Variants in RFX3 observed in about 807,000 individuals in gnomAD.
The protein encoded by RFX3 is regulatory factor X3.
In RFX3, 14 loss-of-function variants were observed where a neutral mutation model predicts 98.6. The observed-to-expected ratio is 0.14, with a 90% CI of 0.09 to 0.22. RFX3 has a LOEUF of 0.22. Ranked by LOEUF, RFX3 falls within the 10% of genes least tolerant of loss-of-function variation. RFX3 has a pLI of 1.00. For synonymous variants in RFX3, 383 were observed against 328.4 expected (o/e 1.17, Z -1.80); for missense variants, 639 against 926.9 (o/e 0.69, Z 4.03).
intron 1 of RFX3, among the ~76,000 whole-genome samples, chr9:3,453,002 T>C (rs1282795451): frequency 6.6e-6 from 1 of 152,184 alleles, no homozygotes; most frequent in Admixed American, 6.5e-5. Flanking sequence ...CATAGCCCTC[T>C]CTATTTACTA....
intron 15 of RFX3, among the ~76,000 whole-genome samples, chr9:3,243,067 T>G (rs1254236284): frequency 6.6e-6 from 1 of 151,984 alleles, no homozygotes; most frequent in Non-Finnish European, 1.5e-5. Context: ...AGAAAGATTC[T>G]AAACAGCCAT....
At chr9:3,409,319 G>T (rs896962401) in intron 1 of RFX3, among the ~76,000 whole-genome samples, 1 of 152,164 alleles carries the variant, frequency 6.6e-6, no homozygotes, top group South Asian at 2.1e-4. Flanking sequence ...TTAACCAATT[G>T]AATTGGATGA....
intron 11 of RFX3, among the ~76,000 whole-genome samples, chr9:3,268,217 G>A (rs1260554538): frequency 6.6e-6 from 1 of 151,638 alleles, no homozygotes; most frequent in African/African-American, 2.4e-5. Context: ...TTAGTGTGAT[G>A]TGCAGAATTT....
chr9:3,440,785 T>A (rs79325844), intron 1 of RFX3, among the ~76,000 whole-genome samples: 1,846 of 152,216 alleles, frequency 0.012, 68 homozygotes, highest in Admixed American at 0.076. Context: ...AAAACACCTT[T>A]GATAAAGAAA....
chr9:3,510,749 T>C (rs1373086367), intron 1 of RFX3, among the ~76,000 whole-genome samples: 3 of 152,174 alleles, frequency 2.0e-5, no homozygotes, highest in African/African-American at 7.2e-5. Flanking sequence ...CATTCTATAA[T>C]CTTCTGTTTT....
At position 3,266,690 on chromosome 9, in the gene RFX3, T is replaced by A. The variant is rs554876504; in HGVS notation, c.1358-385A>T. Among the ~76,000 whole-genome samples, 5 of 152,194 alleles carry A rather than the reference T, an allele frequency of 3.3e-5. No homozygotes were observed. The South Asian group carries it at 1.0e-3, about 32-fold the overall frequency. On this transcript the variant is annotated intron_variant, in intron 11 of 16. Transcript: ENST00000617270. The stretch of plus-strand genomic sequence containing the variant: ...GTATTTTCTTTAAAATTCTTCATCT[T>A]GTTCTTTCAAGCTCTTAATCTATTT...
intron 1 of RFX3, among the ~76,000 whole-genome samples, chr9:3,424,040 G>C (rs1346111818): frequency 6.6e-6 from 1 of 150,896 alleles, no homozygotes. Context: ...CCAGCTACTC[G>C]GGAGGCTGAG....
chr9:3,513,343 T>C (rs1247959276), intron 1 of RFX3, among the ~76,000 whole-genome samples: 1 of 152,152 alleles, frequency 6.6e-6, no homozygotes, highest in Non-Finnish European at 1.5e-5. Context: ...CCTGAAATGA[T>C]ATTTCTTTTT....
At chr9:3,513,281 A>C (rs1817820101) in intron 1 of RFX3, among the ~76,000 whole-genome samples, 1 of 152,158 alleles carries the variant, frequency 6.6e-6, no homozygotes, top group Non-Finnish European at 1.5e-5. Flanking sequence ...TGATATTATT[A>C]CTAGATATGC....
At position 3,500,034 on chromosome 9, in the gene RFX3, C is replaced by A. The variant is rs554654475; in HGVS notation, c.-9+25713G>T. On this transcript the variant is annotated intron_variant, in intron 1 of 16. Coordinates refer to ENST00000617270, the MANE Select transcript of RFX3 (RefSeq NM_001282116.2). ...TGCTTTCATTTCTTCTCATTACACA[C>A]TACAGGAAGCAGAGTAAAAGAAATT... is the stretch of plus-strand genomic sequence containing the variant. 1.0e-3 allele frequency among the ~76,000 whole-genome samples: 158 copies of A among 152,190 alleles called. 8 individuals carry two copies. In the South Asian group the frequency reaches 0.032, roughly 31 times the overall value.
intron 1 of RFX3, among the ~76,000 whole-genome samples, chr9:3,435,790 G>T (rs1845069589): frequency 7.9e-6 from 1 of 126,268 alleles, no homozygotes. Flanking sequence ...TACTTAAGAA[G>T]CATCTGCATT....
intron 2 of RFX3, among the ~76,000 whole-genome samples, chr9:3,384,232 T>C (rs1228203642): frequency 6.6e-6 from 1 of 152,154 alleles, no homozygotes; most frequent in Non-Finnish European, 1.5e-5. Flanking sequence ...TTATTTAGTG[T>C]ATTCCTCCAA....
chr9:3,430,742 A>AT (rs1844583536), intron 1 of RFX3, among the ~76,000 whole-genome samples: 2 of 151,986 alleles, frequency 1.3e-5, no homozygotes, highest in South Asian at 2.1e-4. Context: ...TTATATGTGC[A>AT]TTTTTTTCCA....
chr9:3,444,331 A>G (rs1447784501), intron 1 of RFX3, among the ~76,000 whole-genome samples: 2 of 152,156 alleles, frequency 1.3e-5, no homozygotes, highest in Non-Finnish European at 2.9e-5. Context: ...ACACTGTATT[A>G]TTTTATTATT....
At chr9:3,390,969 T>C (rs1209455143) in intron 2 of RFX3, among the ~76,000 whole-genome samples, 2 of 152,186 alleles carry the variant, frequency 1.3e-5, no homozygotes, top group Non-Finnish European at 2.9e-5. Context: ...CCAACCTATA[T>C]ATAATATTGA....
intron 1 of RFX3, chr9:3,400,204 G>C (rs1841333984): frequency 1.0e-6 from 1 of 980,150 alleles, no homozygotes; most frequent in Non-Finnish European, 1.2e-6. Flanking sequence ...GCTGCACAAA[G>C]ACAAGTAAGA....
At chr9:3,228,497 G>C (rs1322773744) in intron 16 of RFX3, among the ~76,000 whole-genome samples, 2 of 152,114 alleles carry the variant, frequency 1.3e-5, no homozygotes, top group East Asian at 3.9e-4. Context: ...TTCTTGCCTG[G>C]TGGGCCTTGA....
Position 3,472,615 on chromosome 9 carries a change from G to A in RFX3, c.-9+53132C>T, listed in dbSNP as rs1242175003. On this transcript the variant is annotated intron_variant, in intron 1 of 16. Coordinates refer to ENST00000617270, the MANE Select transcript of RFX3 (RefSeq NM_001282116.2). ...ATACTATACAAAAGATACGGATTTA[G>A]AGCCTATCCCTAACAAAAACTTCAA... Among the ~76,000 whole-genome samples the A allele has an allele frequency of 2.0e-5, 3 of 151,986 alleles. No homozygotes were observed. In the East Asian group the frequency reaches 6.0e-4, roughly 30 times the overall value.
At chr9:3,229,897 C>A (rs1010226600) in intron 15 of RFX3, among the ~76,000 whole-genome samples, 3 of 152,094 alleles carry the variant, frequency 2.0e-5, no homozygotes, top group Admixed American at 6.6e-5. Context: ...TGCAAACATA[C>A]ACATATTTTT....
Sources: allele counts gnomAD v4.1 joint callset (sites outside exome capture counted in the v4.1 genomes callset), GRCh38; gene constraint gnomAD v4.1.1; transcripts MANE v1.5; gene names NCBI Gene and HGNC (gene_info 2026-07-23, HGNC 2026-07-21).